The following NEGR1 variants were observed in gnomAD, a reference collection of about 807,000 sequenced individuals.
NEGR1 encodes the protein IgLON family member 4.
NEGR1 carries 10 observed loss-of-function variants against 40.9 expected under a neutral mutation model. The ratio of observed to expected loss-of-function variants is 0.24; its 90% CI spans 0.15 to 0.42. NEGR1 has a LOEUF of 0.42. Ranked by LOEUF, NEGR1 falls within the 10% of genes least tolerant of loss-of-function variation. NEGR1 has a pLI of 1.00. For synonymous variants in NEGR1, 185 were observed against 166.8 expected, an observed-to-expected ratio of 1.11 and a Z score of -0.84; for missense variants, 352 against 438.9, an observed-to-expected ratio of 0.80 and a Z score of 1.77.
At chr1:71,535,440 T>C (rs1163410544) in intron 6 of NEGR1, among the ~76,000 whole-genome samples, 1 of 151,756 alleles carries the variant, frequency 6.6e-6, no homozygotes, top group Admixed American at 6.6e-5. Context: ...AAAGCCACAT[T>C]GTCTCATAGA....
intron 6 of NEGR1, among the ~76,000 whole-genome samples, chr1:71,522,145 A>G (rs1249909447): frequency 6.6e-6 from 1 of 152,028 alleles, no homozygotes; most frequent in East Asian, 1.9e-4. Flanking sequence ...TTTCTAGTGT[A>G]TGATGGGATT....
chr1:72,015,659 G>A (rs1469155731), intron 1 of NEGR1, among the ~76,000 whole-genome samples: 1 of 152,094 alleles, frequency 6.6e-6, no homozygotes, highest in African/African-American at 2.4e-5. Context: ...AGCAAAGTGA[G>A]ACCGTGTCTC....
rs13374762 is a variant in NEGR1 at position 71,861,849 on chromosome 1, A to T, written c.409+73230T>A. On this transcript the variant is annotated intron_variant, in intron 2 of 6. Transcript: ENST00000357731. ...TTACTCAACACAGTAGAACAGAATG[A>T]AACAGATTTCACTGTAAGAAAAGAA... Among the ~76,000 whole-genome samples, 1,103 of 152,168 alleles carry T rather than the reference A, an allele frequency of 7.2e-3. 15 individuals carry two copies. Among genetic ancestry groups the T allele is most frequent in the African/African-American group, 0.025 (1,047 of 41,538 alleles).
chr1:72,208,483 T>C (rs1653487338), intron 1 of NEGR1, among the ~76,000 whole-genome samples: 1 of 151,684 alleles, frequency 6.6e-6, no homozygotes, highest in African/African-American at 2.4e-5. Flanking sequence ...ATAGTTTTTC[T>C]TCCCGTATAA....
chr1:72,021,494 T>TA (rs1267496109), intron 1 of NEGR1, among the ~76,000 whole-genome samples: 6 of 151,900 alleles, frequency 3.9e-5, no homozygotes, highest in Non-Finnish European at 5.9e-5. Flanking sequence ...TATTAGCAAA[T>TA]AGCTGGCAAA....
Position 71,405,748 on chromosome 1 carries a change from A to G in NEGR1, c.*1698T>C, listed in dbSNP as rs541876098. The stretch of plus-strand genomic sequence containing the variant: ...CTAGGGCAACATACTAGATATCTCA[A>G]ATATGTATAACCACTGCAAAATTTC... On this transcript the variant is annotated 3_prime_UTR_variant, in exon 7 of 7. Coordinates refer to ENST00000357731, the MANE Select transcript of NEGR1 (RefSeq NM_173808.3). The G allele has an allele frequency of 1.1e-4, 17 of 151,780 alleles. No homozygotes were observed. The East Asian group carries it at 3.1e-3, about 28-fold the overall frequency. 9.4% of individuals were successfully genotyped at this position (151,780 alleles called of 1,614,324 possible). A position where few individuals can be genotyped will look rare whatever the true frequency, so the allele number is the denominator to read the frequency against.
intron 2 of NEGR1, among the ~76,000 whole-genome samples, chr1:71,871,532 T>C (rs1307532722): frequency 6.6e-6 from 1 of 152,184 alleles, no homozygotes; most frequent in African/African-American, 2.4e-5. Flanking sequence ...AAGCTCAAAA[T>C]GTATATTAAG....
intron 2 of NEGR1, among the ~76,000 whole-genome samples, chr1:71,804,777 G>C (rs1295686341): frequency 6.6e-6 from 1 of 152,156 alleles, no homozygotes; most frequent in Admixed American, 6.5e-5. Flanking sequence ...TGTTTGTAGA[G>C]CATGTGTGTT....
chr1:71,719,885 T>G (rs1488291691), intron 3 of NEGR1, among the ~76,000 whole-genome samples: 1 of 152,152 alleles, frequency 6.6e-6, no homozygotes, highest in African/African-American at 2.4e-5. Context: ...ATTACTGTAC[T>G]TAAGATTCAA....
intron 6 of NEGR1, among the ~76,000 whole-genome samples, chr1:71,499,774 C>A (rs942157311): frequency 3.3e-5 from 5 of 151,938 alleles, no homozygotes; most frequent in Non-Finnish European, 7.4e-5. Context: ...TGATCTAGTG[C>A]AATCTATTGT....
At chr1:72,057,413 C>G (rs980603188) in intron 1 of NEGR1, among the ~76,000 whole-genome samples, 3 of 151,558 alleles carry the variant, frequency 2.0e-5, no homozygotes, top group Non-Finnish European at 4.4e-5. Context: ...CTCCTATCGT[C>G]ATAGTTGCAG....
At chr1:72,057,024 G>A (rs79311735) in intron 1 of NEGR1, among the ~76,000 whole-genome samples, 1,715 of 151,606 alleles carry the variant, frequency 0.011, 31 homozygotes, top group African/African-American at 0.039. Flanking sequence ...AGTACTTGAT[G>A]AATTTCAGCT....
intron 1 of NEGR1, among the ~76,000 whole-genome samples, chr1:71,982,968 CG>C (rs1646366323): frequency 6.6e-6 from 1 of 151,984 alleles, no homozygotes; most frequent in Admixed American, 6.6e-5. Context: ...ATATCTTTCT[CG>C]GGTGTTGATG....
chr1:71,806,678 T>C (rs1657781560), intron 2 of NEGR1, among the ~76,000 whole-genome samples: 1 of 152,050 alleles, frequency 6.6e-6, no homozygotes, highest in Non-Finnish European at 1.5e-5. Context: ...CATCAAATAC[T>C]CACAATGGCC....
At chr1:71,830,635 GA>G (rs1376984611) in intron 2 of NEGR1, among the ~76,000 whole-genome samples, 1 of 151,652 alleles carries the variant, frequency 6.6e-6, no homozygotes, top group African/African-American at 2.4e-5. Context: ...AAGAGTCAAA[GA>G]AAAAAACAGA....
chr1:71,599,496 T>A (rs1030790481), intron 5 of NEGR1, among the ~76,000 whole-genome samples: 3 of 151,962 alleles, frequency 2.0e-5, no homozygotes, highest in African/African-American at 4.8e-5. Flanking sequence ...GAAACGAAAA[T>A]TTATGTGAAT....
chr1:72,083,785 A>T (rs1414559307), intron 1 of NEGR1, among the ~76,000 whole-genome samples: 1 of 152,048 alleles, frequency 6.6e-6, no homozygotes, highest in African/African-American at 2.4e-5. Flanking sequence ...TGGAAAGTAC[A>T]GTGGGTTCCC....
At chr1:71,602,045 C>A (rs2101532816) in intron 5 of NEGR1, among the ~76,000 whole-genome samples, 1 of 152,148 alleles carries the variant, frequency 6.6e-6, no homozygotes, top group Non-Finnish European at 1.5e-5. Context: ...CCCTCAATAG[C>A]TTTCCAATAC....
At chr1:71,629,198 G>A (rs181581630) in intron 4 of NEGR1, among the ~76,000 whole-genome samples, 33 of 151,862 alleles carry the variant, frequency 2.2e-4, no homozygotes, top group Admixed American at 1.1e-3. Context: ...TGTTGGCCAC[G>A]TAAATGTCTT....
Sources: allele counts gnomAD v4.1 joint callset (sites outside exome capture counted in the v4.1 genomes callset), GRCh38; gene constraint gnomAD v4.1.1; transcripts MANE v1.5; gene names NCBI Gene and HGNC (gene_info 2026-07-23, HGNC 2026-07-21).